Variants in INSL6 observed in about 807,000 individuals in gnomAD.
INSL6 encodes the protein insulin-like peptide INSL6.
A neutral mutation model predicts 9.4 loss-of-function variants in INSL6; 16 were observed. The ratio of observed to expected loss-of-function variants is 1.70; its 90% CI spans 1.15 to 2.59. The LOEUF is 2.59. INSL6 is among the 30% of genes most tolerant of loss of function. INSL6 has a pLI of 0.00. For missense variants in INSL6, 391 were observed against 257.3 expected, an observed-to-expected ratio of 1.52 and a Z score of -3.56; for synonymous variants, 154 against 96.9, an observed-to-expected ratio of 1.59 and a Z score of -3.46.
chr9:5,136,427 C>A (rs1392219947), intron 2 of INSL6, among the ~76,000 whole-genome samples: 1 of 152,184 alleles, frequency 6.6e-6, no homozygotes, highest in Non-Finnish European at 1.5e-5. Context: ...CCACCATGAT[C>A]AAGTCGGCTT....
At chr9:5,103,272 C>T in the INSL6 span, among the ~76,000 whole-genome samples, 46 of 124,380 alleles carry the variant, frequency 3.7e-4, no homozygotes, top group Admixed American at 7.2e-4. Flanking sequence ...GTTGCAATCC[C>T]GGTCTCTGAA....
At chr9:5,169,913 T>C (rs558886190) in intron 1 of INSL6, among the ~76,000 whole-genome samples, 3 of 152,282 alleles carry the variant, frequency 2.0e-5, no homozygotes, top group South Asian at 4.2e-4. Flanking sequence ...CACACAATAA[T>C]AGTGGGAGAC....
At chr9:5,086,030 G>A in the INSL6 span, 1 of 782,382 alleles carries the variant, frequency 1.3e-6, no homozygotes. Context: ...CATTTGGACA[G>A]GCAGGTGTTA....
At chr9:5,146,812 G>C (rs1353026051) in intron 2 of INSL6, among the ~76,000 whole-genome samples, 3 of 152,182 alleles carry the variant, frequency 2.0e-5, no homozygotes. Flanking sequence ...TGTGTGGGCT[G>C]GTACACAGCC....
At chr9:5,010,284 C>G in the INSL6 span, among the ~76,000 whole-genome samples, 3 of 151,886 alleles carry the variant, frequency 2.0e-5, no homozygotes, top group Non-Finnish European at 4.4e-5. Context: ...ATTTTAAGCC[C>G]TACCATACAC....
the INSL6 span, chr9:5,097,376 C>G: frequency 3.9e-5 from 6 of 152,220 alleles, no homozygotes; most frequent in African/African-American, 1.4e-4. Context: ...TTTGGTCACC[C>G]TGAAGTTTAT....
At chr9:5,074,075 G>T in the INSL6 span, among the ~76,000 whole-genome samples, 3 of 152,086 alleles carry the variant, frequency 2.0e-5, no homozygotes, top group Non-Finnish European at 4.4e-5. Flanking sequence ...ATTATGGCAG[G>T]TTCAACATAA....
the INSL6 span, chr9:5,114,210 A>G: frequency 2.0e-6 from 1 of 499,624 alleles, no homozygotes; most frequent in Admixed American, 2.4e-5. Context: ...GAGCCGGTCC[A>G]GCCCCTTCTA....
intron 3 of INSL6, among the ~76,000 whole-genome samples, chr9:5,129,147 G>C (rs1377894912): frequency 6.6e-6 from 1 of 151,988 alleles, no homozygotes; most frequent in African/African-American, 2.4e-5. Flanking sequence ...AGCTACAAAA[G>C]AGTTAGCAAA....
In INSL6 at chr9:5,164,276, A is replaced by C; in HGVS notation, c.290-11T>G. ...CCCAAGAAGTAGACACTGTTGAGAG[A>C]GAAGAAAATAAATGCTCCTTTATTA... On this transcript the variant is annotated splice_polypyrimidine_tract_variant and intron_variant, in intron 1 of 1. Transcript: ENST00000381641. The C allele has an allele frequency of 6.5e-7, 1 of 1,537,334 alleles. No homozygotes were observed. Among genetic ancestry groups the C allele is most frequent in the Non-Finnish European group, 8.9e-7 (1 of 1,121,110 alleles).
chr9:5,056,370 C>G, the INSL6 span, among the ~76,000 whole-genome samples: 1 of 151,974 alleles, frequency 6.6e-6, no homozygotes, highest in African/African-American at 2.4e-5. Context: ...CATTTATCTT[C>G]TCTGTCTTCT....
the INSL6 span, chr9:5,072,592 A>G: frequency 2.5e-6 from 4 of 1,609,974 alleles, no homozygotes; most frequent in South Asian, 4.4e-5. Context: ...GTTCTTTTAA[A>G]AGTTCTGGAT....
At chr9:5,111,081 C>A in the INSL6 span, 2 of 1,219,952 alleles carry the variant, frequency 1.6e-6, no homozygotes, top group African/African-American at 1.5e-5. Context: ...CCAGCTCAGG[C>A]TCCTGGGGCA....
the INSL6 span, among the ~76,000 whole-genome samples, chr9:5,007,752 C>G: frequency 1.3e-5 from 2 of 150,908 alleles, no homozygotes; most frequent in African/African-American, 4.9e-5. Flanking sequence ...TGGAGTCTCA[C>G]TCTGTCACCC....
chr9:5,006,573 G>A, the INSL6 span, among the ~76,000 whole-genome samples: 2 of 152,160 alleles, frequency 1.3e-5, no homozygotes, highest in Admixed American at 6.5e-5. Context: ...AAGGCCTCAG[G>A]AAATTTACAA....
chr9:5,053,030 G>C, the INSL6 span, among the ~76,000 whole-genome samples: 122 of 152,098 alleles, frequency 8.0e-4, no homozygotes, highest in African/African-American at 2.8e-3. Flanking sequence ...GGAATTCCTG[G>C]AACATATGGT....
chr9:5,063,817 A>G, the INSL6 span, among the ~76,000 whole-genome samples: 1 of 152,188 alleles, frequency 6.6e-6, no homozygotes, highest in Non-Finnish European at 1.5e-5. Context: ...TTTCCCATGT[A>G]AGTAACATGC....
chr9:5,037,480 G>C, the INSL6 span, among the ~76,000 whole-genome samples: 1 of 152,194 alleles, frequency 6.6e-6, no homozygotes, highest in African/African-American at 2.4e-5. Context: ...ATGATAGACT[G>C]GATTAAGAAA....
chr9:5,159,196 C>G (rs1004986204), downstream of INSL6, among the ~76,000 whole-genome samples: 1 of 151,914 alleles, frequency 6.6e-6, no homozygotes, highest in Non-Finnish European at 1.5e-5. Context: ...AGAAAATCAC[C>G]TTCCCTAAAA....
Sources: allele counts gnomAD v4.1 joint callset (sites outside exome capture counted in the v4.1 genomes callset), GRCh38; gene constraint gnomAD v4.1.1; transcripts MANE v1.5; gene names NCBI Gene and HGNC (gene_info 2026-07-23, HGNC 2026-07-21).